NCKAP5: variants seen among roughly 807,000 people sequenced by gnomAD.
NCKAP5 encodes the protein NCK associated protein 5.
NCKAP5 carries 92 observed loss-of-function variants against 167.0 expected under a neutral mutation model. That is an observed-to-expected ratio of 0.55 (90% CI 0.47 to 0.66). The LOEUF (loss-of-function observed/expected upper bound fraction) is 0.66. NCKAP5 is among the 30% of genes least tolerant of loss of function. The pLI is 0.00. For synonymous variants in NCKAP5, 891 were observed against 877.4 expected, an observed-to-expected ratio of 1.02 and a Z score of -0.27; for missense variants, 2,378 against 2,315.0, an observed-to-expected ratio of 1.03 and a Z score of -0.56.
chr2:133,395,382 G>A (rs1170909804), intron 3 of NCKAP5, among the ~76,000 whole-genome samples: 1 of 152,110 alleles, frequency 6.6e-6, no homozygotes, highest in Non-Finnish European at 1.5e-5. Flanking sequence ...AAGTATCCAA[G>A]GCTTATTTGG....
chr2:133,411,758 C>A (rs1688787810), intron 3 of NCKAP5, among the ~76,000 whole-genome samples: 1 of 152,184 alleles, frequency 6.6e-6, no homozygotes, highest in Non-Finnish European at 1.5e-5. Context: ...CCCAACAATT[C>A]ACAAGCCCAA....
Position 133,517,470 on chromosome 2 carries a change from G to C in NCKAP5, c.57C>G (p.Asp19Glu). The change falls in exon 3 of 20, where the codon GAC becomes GAG. Residue 19 changes from aspartate (D) to glutamate (E), a missense_variant. This residue lies in a region of NCKAP5 where 1,049 missense variants were observed against 1,023.4 expected (regional missense o/e 1.02). Coordinates refer to ENST00000409261, the MANE Select transcript of NCKAP5 (RefSeq NM_207363.3). ...ATTTAGTACTTACCACAAGACTGCT[G>C]TCTAGAGACAGCCTTTTTCCAAAGT... Reference protein sequence around the residue: ...KRDFGKRLSLDSSLVEYMDSN... With the variant: ...KRDFGKRLSLESSLVEYMDSN... 1 of 1,519,218 alleles carries C rather than the reference G, an allele frequency of 6.6e-7. No homozygotes were observed. Among genetic ancestry groups the C allele is most frequent in the Non-Finnish European group, 8.9e-7 (1 of 1,127,744 alleles). 94.1% of individuals were successfully genotyped at this position (1,519,218 alleles called of 1,614,324 possible).
intron 4 of NCKAP5, among the ~76,000 whole-genome samples, chr2:133,255,452 C>T (rs1182497823): frequency 6.6e-6 from 1 of 152,098 alleles, no homozygotes; most frequent in East Asian, 1.9e-4. Context: ...TACATTTTCC[C>T]ACCCCATTGA....
chr2:133,363,812 C>T (rs1685277166), intron 3 of NCKAP5, among the ~76,000 whole-genome samples: 1 of 152,018 alleles, frequency 6.6e-6, no homozygotes, highest in Non-Finnish European at 1.5e-5. Flanking sequence ...AATTATACCT[C>T]GCTTATCACT....
At chr2:133,292,638 A>G (rs555223508) in intron 4 of NCKAP5, among the ~76,000 whole-genome samples, 3 of 152,248 alleles carry the variant, frequency 2.0e-5, no homozygotes, top group Non-Finnish European at 2.9e-5. Context: ...TGACCCCCAA[A>G]TCGTATTGAT....
chr2:133,389,966 C>A (rs1258424589), intron 3 of NCKAP5, among the ~76,000 whole-genome samples: 1 of 152,192 alleles, frequency 6.6e-6, no homozygotes, highest in Non-Finnish European at 1.5e-5. Flanking sequence ...TTGATTAGAA[C>A]AGCCATCTCT....
chr2:132,780,250 C>A (rs909407464), intron 15 of NCKAP5, among the ~76,000 whole-genome samples: 2 of 152,180 alleles, frequency 1.3e-5, no homozygotes, highest in Non-Finnish European at 2.9e-5. Context: ...CTCCTGGGTT[C>A]ATGCCATTCT....
intron 5 of NCKAP5, among the ~76,000 whole-genome samples, chr2:133,210,029 G>A (rs2086134702): frequency 6.6e-6 from 1 of 151,876 alleles, no homozygotes; most frequent in Non-Finnish European, 1.5e-5. Context: ...GCTGGGTGTG[G>A]TGGTGAGCAC....
chr2:132,694,852 C>T (rs961404604), intron 19 of NCKAP5, among the ~76,000 whole-genome samples: 34 of 152,290 alleles, frequency 2.2e-4, no homozygotes, highest in Non-Finnish European at 1.3e-4. Context: ...CGAGCTTAGT[C>T]GCCACCCTCC....
At chr2:133,294,978 T>C (rs1418699599) in intron 4 of NCKAP5, among the ~76,000 whole-genome samples, 1 of 152,194 alleles carries the variant, frequency 6.6e-6, no homozygotes, top group Non-Finnish European at 1.5e-5. Flanking sequence ...TTCCCCCGCC[T>C]TGGGAAGCAA....
intron 19 of NCKAP5, among the ~76,000 whole-genome samples, chr2:132,691,852 A>G (rs1686773948): frequency 6.6e-6 from 1 of 152,182 alleles, no homozygotes; most frequent in Non-Finnish European, 1.5e-5. Flanking sequence ...GCCCGTGATA[A>G]GTTCTCTCAC....
intron 6 of NCKAP5, among the ~76,000 whole-genome samples, chr2:133,111,027 G>A (rs1465258630): frequency 4.6e-5 from 7 of 152,030 alleles, no homozygotes; most frequent in Non-Finnish European, 8.8e-5. Flanking sequence ...AGTCTTATCC[G>A]ATTAAGGTCC....
intron 6 of NCKAP5, among the ~76,000 whole-genome samples, chr2:133,080,342 C>T (rs761256874): frequency 6.6e-6 from 1 of 152,120 alleles, no homozygotes; most frequent in Non-Finnish European, 1.5e-5. Flanking sequence ...GTGAACATCC[C>T]ATATAATTTA....
intron 16 of NCKAP5, among the ~76,000 whole-genome samples, chr2:132,755,221 A>G (rs889720579): frequency 6.6e-6 from 1 of 152,212 alleles, no homozygotes; most frequent in African/African-American, 2.4e-5. Flanking sequence ...CTGAATGGGT[A>G]GCAAGTTGAA....
chr2:133,568,315 CCT>C lies in NCKAP5; in HGVS notation c.-231_-230del, dbSNP rs1380100843. On this transcript the variant is annotated 5_prime_UTR_variant, in exon 1 of 20. It removes the in-frame stop codon of an upstream open reading frame in the 5' UTR. Transcript: ENST00000409261. Reference sequence around the variant, plus strand: ...AAAATTTCCTCCCGCGGTTGGTTATCCTCTGTTTATTTTTGAAGCATTCAAAG... The same window carrying C: ...AAAATTTCCTCCCGCGGTTGGTTATCCTGTTTATTTTTGAAGCATTCAAAG... The C allele has an allele frequency of 6.6e-6, 1 of 152,350 alleles. No homozygotes were observed. Among genetic ancestry groups the C allele is most frequent in the African/African-American group, 2.4e-5 (1 of 41,570 alleles). 9.4% of individuals were successfully genotyped at this position (152,350 alleles called of 1,614,324 possible).
At chr2:132,695,563 GA>G (rs1401160798) in intron 19 of NCKAP5, among the ~76,000 whole-genome samples, 1 of 152,144 alleles carries the variant, frequency 6.6e-6, no homozygotes, top group African/African-American at 2.4e-5. Flanking sequence ...ATCCTCAGTG[GA>G]ATTGCTTCTT....
chr2:132,673,312 TA>T lies in NCKAP5; in HGVS notation c.5714-8del. ...CTTCAAGTTGTCTCAATTTCTGCAATAAAAAGAAGAAAATATTAGAAACATA... is the reference window on the plus strand; with the variant it reads ...CTTCAAGTTGTCTCAATTTCTGCAATAAAAGAAGAAAATATTAGAAACATA... On this transcript the variant is annotated splice_polypyrimidine_tract_variant and splice_region_variant and intron_variant, in intron 19 of 19. Transcript: ENST00000409261. 2 of 1,448,996 alleles carry T rather than the reference TA, an allele frequency of 1.4e-6. No individual in the cohort carries two copies. Among genetic ancestry groups the T allele is most frequent in the South Asian group, 1.3e-5 (1 of 76,654 alleles). 89.8% of individuals were successfully genotyped at this position (1,448,996 alleles called of 1,614,324 possible). A position where few individuals can be genotyped will look rare whatever the true frequency, so the allele number is the denominator to read the frequency against.
At chr2:132,960,541 T>G (rs961266140) in intron 8 of NCKAP5, among the ~76,000 whole-genome samples, 1 of 151,788 alleles carries the variant, frequency 6.6e-6, no homozygotes, top group Non-Finnish European at 1.5e-5. Flanking sequence ...TTTGGAAAAA[T>G]CAAGTAAAGG....
intron 6 of NCKAP5, among the ~76,000 whole-genome samples, chr2:133,115,288 C>T (rs1157052313): frequency 6.6e-6 from 1 of 152,092 alleles, no homozygotes; most frequent in Admixed American, 6.5e-5. Flanking sequence ...TTAACAACAG[C>T]CTCAGACTGC....
Sources: gnomAD v4.1 joint callset for allele counts (sites outside exome capture counted in the v4.1 genomes callset) on GRCh38, gnomAD v4.1.1 for gene constraint, gnomAD v4.1.1 regional missense constraint, MANE v1.5 for transcripts, NCBI Gene and HGNC (gene_info 2026-07-23, HGNC 2026-07-21) for gene names.